The following TRMT61B variants were observed in gnomAD, a reference collection of about 807,000 sequenced individuals.
TRMT61B encodes tRNA methyltransferase 61B.
Under a neutral mutation model 52.0 loss-of-function variants are expected in TRMT61B, and 56 were observed. The observed-to-expected ratio is 1.08, with a 90% CI of 0.87 to 1.35. The LOEUF is 1.35. Among genes scored for constraint, TRMT61B ranks in the 40% most tolerant of loss-of-function variants. The pLI is 0.00. For missense variants in TRMT61B, 650 were observed against 577.9 expected (o/e 1.12, Z -1.28); for synonymous variants, 206 against 220.0 (o/e 0.94, Z 0.56).
chr2:28,866,829 T>C (rs1047286351), intron 1 of TRMT61B, among the ~76,000 whole-genome samples: 1 of 152,230 alleles, frequency 6.6e-6, no homozygotes, highest in Admixed American at 6.5e-5. Flanking sequence ...TGACAGGGTC[T>C]CTGTCACTCA....
intron 3 of TRMT61B, among the ~76,000 whole-genome samples, chr2:28,855,951 A>G (rs1029933449): frequency 2.0e-5 from 3 of 152,198 alleles, no homozygotes; most frequent in African/African-American, 7.2e-5. Context: ...AGCCTGGGCA[A>G]CAGAGTGAGA....
chr2:28,856,721 G>A (rs191629921), intron 3 of TRMT61B, among the ~76,000 whole-genome samples: 173 of 151,770 alleles, frequency 1.1e-3, no homozygotes, highest in African/African-American at 3.9e-3. Context: ...TGCAACCTCC[G>A]CCTCCCGGTT....
chr2:28,865,783 C>A (rs371244261), intron 1 of TRMT61B, among the ~76,000 whole-genome samples: 4 of 147,796 alleles, frequency 2.7e-5, no homozygotes, highest in African/African-American at 1.0e-4. Flanking sequence ...CGGGTTCAAG[C>A]GATTCTCCTG....
At chr2:28,856,463 A>G (rs908126794) in intron 3 of TRMT61B, among the ~76,000 whole-genome samples, 7 of 152,156 alleles carry the variant, frequency 4.6e-5, no homozygotes, top group Admixed American at 2.0e-4. Flanking sequence ...TACTTACAAG[A>G]TAATGTCCAT....
At position 28,861,291 on chromosome 2, in the gene TRMT61B, CTCG is replaced by C; in HGVS notation, c.817_819del (p.Arg273del). 6.3e-7 allele frequency: 1 copy of C among 1,589,976 alleles called. No individual in the cohort carries two copies. The highest frequency in any genetic ancestry group is 8.5e-7 in the Non-Finnish European group (1 of 1,172,146). On this transcript the variant is annotated inframe_deletion, in exon 3 of 7. Coordinates refer to ENST00000306108, the MANE Select transcript of TRMT61B (RefSeq NM_017910.4). ...TCTTTTCGTACCTCAAAACTTATGA[CTCG>C]TCCTTGTGATCCAACTTAAGTAAAA...
Position 28,851,225 on chromosome 2 carries a change from C to T in TRMT61B, c.1159G>A (p.Glu387Lys), listed in dbSNP as rs954994147. The change falls in exon 5 of 7, where the codon GAG becomes AAG. Residue 387 changes from glutamate (E) to lysine (K), a missense_variant. Transcript: ENST00000306108. ...ELALSCEKIS[E>K]VIVRDWLVCL... is the part of the protein sequence containing the mutation. Reference sequence around the variant, plus strand: ...ACCAACCAATCTCTGACAATGACCTCGCTTATCTTTTCACATGAAAGAGCA... The same window carrying T: ...ACCAACCAATCTCTGACAATGACCTTGCTTATCTTTTCACATGAAAGAGCA... The T allele has an allele frequency of 5.0e-6, 8 of 1,613,630 alleles. No individual in the cohort carries two copies. In the Admixed American group the frequency reaches 5.0e-5, roughly 10 times the overall value.
intron 1 of TRMT61B, among the ~76,000 whole-genome samples, chr2:28,865,966 C>T (rs1276717186): frequency 6.6e-6 from 1 of 150,664 alleles, no homozygotes; most frequent in Non-Finnish European, 1.5e-5. Context: ...CAGGTGTGAG[C>T]CAGTGTGCCC....
At chr2:28,855,205 C>T (rs1669291776) in intron 3 of TRMT61B, among the ~76,000 whole-genome samples, 1 of 152,118 alleles carries the variant, frequency 6.6e-6, no homozygotes, top group Admixed American at 6.6e-5. Context: ...GTGGTGGACA[C>T]AGATTACATA....
intron 3 of TRMT61B, among the ~76,000 whole-genome samples, chr2:28,854,733 C>G (rs1275287190): frequency 1.7e-5 from 2 of 118,946 alleles, no homozygotes; most frequent in African/African-American, 6.4e-5. Context: ...AGCGAGACTC[C>G]GTCTCAAAAA....
chr2:28,857,305 A>G (rs1186267561), intron 3 of TRMT61B, among the ~76,000 whole-genome samples: 2 of 151,910 alleles, frequency 1.3e-5, no homozygotes, highest in East Asian at 3.9e-4. Flanking sequence ...TTTTGAATGT[A>G]TAATTTTTGT....
chr2:28,869,801 A>G lies in TRMT61B; in HGVS notation c.477T>C (p.Ala159=). The G allele has an allele frequency of 6.2e-7, 1 of 1,614,166 alleles. No individual in the cohort carries two copies. Among genetic ancestry groups the G allele is most frequent in the Non-Finnish European group, 8.5e-7 (1 of 1,180,018 alleles). The part of the protein sequence containing the change: ...RPFQAGELIL[A]ETGEGETKFK... Reference sequence around the variant, plus strand: ...ATTTTGTTTCTCCCTCCCCAGTCTCAGCTAAAATCAGTTCCCCAGCCTGAA... The same window carrying G: ...ATTTTGTTTCTCCCTCCCCAGTCTCGGCTAAAATCAGTTCCCCAGCCTGAA... The change falls in exon 1 of 7, where the codon GCT becomes GCC. Residue 159 remains alanine (A), a synonymous_variant. Transcript: ENST00000306108.
chr2:28,856,766 CT>C (rs1669360693), intron 3 of TRMT61B, among the ~76,000 whole-genome samples: 1 of 152,072 alleles, frequency 6.6e-6, no homozygotes, highest in South Asian at 2.1e-4. Flanking sequence ...TCCCGAGTAG[CT>C]GGGATTACAG....
intron 2 of TRMT61B, among the ~76,000 whole-genome samples, chr2:28,862,963 T>A (rs1432420378): frequency 6.6e-6 from 1 of 151,836 alleles, no homozygotes; most frequent in Non-Finnish European, 1.5e-5. Context: ...AGTACTACAT[T>A]TTAACTTAAG....
chr2:28,867,421 G>A (rs1669897947), intron 1 of TRMT61B, among the ~76,000 whole-genome samples: 1 of 152,038 alleles, frequency 6.6e-6, no homozygotes, highest in South Asian at 2.1e-4. Context: ...ATACTAAGAT[G>A]GAATTATGTA....
At chr2:28,866,021 G>T (rs982192727) in intron 1 of TRMT61B, among the ~76,000 whole-genome samples, 1 of 138,696 alleles carries the variant, frequency 7.2e-6, no homozygotes, top group South Asian at 2.3e-4. Context: ...ACAGAGTCTC[G>T]CTCTGTCACC....
chr2:28,865,565 G>A (rs1669802244), intron 1 of TRMT61B, among the ~76,000 whole-genome samples: 2 of 151,864 alleles, frequency 1.3e-5, no homozygotes, highest in South Asian at 2.1e-4. Context: ...GGCATTTTAT[G>A]AGGATTAATC....
intron 3 of TRMT61B, among the ~76,000 whole-genome samples, chr2:28,853,661 C>T (rs1211295667): frequency 6.6e-6 from 1 of 152,112 alleles, no homozygotes; most frequent in South Asian, 2.1e-4. Context: ...CATGGCAAAA[C>T]CCTGTCTCTA....
In TRMT61B at chr2:28,865,096, CATT is replaced by C. The variant is rs755210029; in HGVS notation, c.720_722del (p.Met242del). The C allele has an allele frequency of 4.0e-5, 65 of 1,609,598 alleles. No individual in the cohort carries two copies. Among genetic ancestry groups the C allele is most frequent in the East Asian group, 2.2e-5 (1 of 44,864 alleles). On this transcript the variant is annotated inframe_deletion, in exon 2 of 7. Coordinates refer to ENST00000306108, the MANE Select transcript of TRMT61B (RefSeq NM_017910.4). ...CAGTATCACCTGGGTTGATATCCAT[CATT>C]GAGAGAATCATATTAATATCCTATG...
At chr2:28,850,440 T>C in intron 5 of TRMT61B, 35 bp from the exon 6 acceptor site, 1 of 1,372,624 alleles carries the variant, frequency 7.3e-7, no homozygotes, top group African/African-American at 1.5e-5. Flanking sequence ...ATAAGCTACA[T>C]AAAATATTTT....
Sources: gnomAD v4.1 joint callset for allele counts (sites outside exome capture counted in the v4.1 genomes callset) on GRCh38, gnomAD v4.1.1 for gene constraint, MANE v1.5 for transcripts, NCBI Gene and HGNC (gene_info 2026-07-23, HGNC 2026-07-21) for gene names.